Variants in PCDHGB7 observed in about 807,000 individuals in gnomAD.
PCDHGB7 encodes the protein protocadherin gamma-B7.
In PCDHGB7, 37 loss-of-function variants were observed where a neutral mutation model predicts 61.4. The ratio of observed to expected loss-of-function variants is 0.60; its 90% CI spans 0.46 to 0.79. The LOEUF is 0.79. PCDHGB7 is among the 30% of genes least tolerant of loss of function. The pLI, the probability that PCDHGB7 is intolerant of heterozygous loss-of-function variation, is 0.00. For missense variants in PCDHGB7, 1,166 were observed against 1,202.5 expected (o/e 0.97, Z 0.45); for synonymous variants, 464 against 503.5 (o/e 0.92, Z 1.05).
chr5:141,428,111 C>G (rs760446304), intron 1 of PCDHGB7: 2 of 1,607,622 alleles, frequency 1.2e-6, no homozygotes, highest in Non-Finnish European at 1.7e-6. Context: ...TGCTGCAGGC[C>G]ATCGAGCCCG....
chr5:141,503,418 A>G (rs1037754214), intron 2 of PCDHGB7, among the ~76,000 whole-genome samples: 1 of 151,528 alleles, frequency 6.6e-6, no homozygotes, highest in Admixed American at 6.6e-5. Context: ...AATATGGTGA[A>G]ACCCCATCTC....
chr5:141,459,886 G>A (rs932435611), intron 1 of PCDHGB7, among the ~76,000 whole-genome samples: 2 of 152,080 alleles, frequency 1.3e-5, no homozygotes, highest in Non-Finnish European at 2.9e-5. Context: ...TGAGCTGAAC[G>A]CCTTCTTAAA....
chr5:141,442,870 T>A (rs942975420), intron 1 of PCDHGB7, among the ~76,000 whole-genome samples: 1 of 152,192 alleles, frequency 6.6e-6, no homozygotes, highest in African/African-American at 2.4e-5. Flanking sequence ...AGATGTAAAT[T>A]TACAACTCAG....
At chr5:141,452,528 A>T (rs1592223895) in intron 1 of PCDHGB7, among the ~76,000 whole-genome samples, 1 of 152,206 alleles carries the variant, frequency 6.6e-6, no homozygotes, top group African/African-American at 2.4e-5. Flanking sequence ...CAAAATCGTG[A>T]GTTCATATTG....
rs776258973 is a variant in PCDHGB7, at chr5:141,489,877, A to G, written c.2416-4930A>G. 1.2e-6 allele frequency: 2 copies of G among 1,614,230 alleles called. No individual in the cohort carries two copies. The highest frequency in any genetic ancestry group is 2.2e-5 in the South Asian group (2 of 91,090). Reference sequence around the variant, plus strand: ...CCAGGCAAGACATCAGCTGGTGCTTACTGCTGTGGATGGGGGGACCCCAGC... The same window carrying G: ...CCAGGCAAGACATCAGCTGGTGCTTGCTGCTGTGGATGGGGGGACCCCAGC... On this transcript the variant is annotated intron_variant, in intron 1 of 3. Coordinates refer to ENST00000398594, the MANE Select transcript of PCDHGB7 (RefSeq NM_018927.4). This position sits in a 1 kb window ranked among gnomAD's most constrained non-coding sequence, Gnocchi z 4.5.
At chr5:141,496,886 C>T (rs1562175671) in intron 2 of PCDHGB7, among the ~76,000 whole-genome samples, 1 of 135,246 alleles carries the variant, frequency 7.4e-6, no homozygotes, top group African/African-American at 2.9e-5. Context: ...ACAAGTAACA[C>T]TTAAAAAAAA....
At position 141,491,752 on chromosome 5, in the gene PCDHGB7, G is replaced by C. The variant is rs1464731659; in HGVS notation, c.2416-3055G>C. 6 of 1,586,646 alleles carry C rather than the reference G, an allele frequency of 3.8e-6. No homozygotes were observed. The African/African-American group carries it at 8.1e-5, about 21-fold the overall frequency. On this transcript the variant is annotated intron_variant, in intron 1 of 3. Transcript: ENST00000398594. The surrounding 1 kb of genome is among the most constrained non-coding windows in gnomAD (Gnocchi z 6.9). ...GACCCCTGGGGGCGGCACTGGAGAA[G>C]CCGCCCGTCCTCATAAGGGATTGAA...
chr5:141,460,224 T>C (rs986301555), intron 1 of PCDHGB7, among the ~76,000 whole-genome samples: 1 of 152,168 alleles, frequency 6.6e-6, no homozygotes, highest in African/African-American at 2.4e-5. Context: ...GTTGTGTCTT[T>C]TGAAGAGCAG....
intron 1 of PCDHGB7, among the ~76,000 whole-genome samples, chr5:141,461,267 T>C (rs2099012147): frequency 6.6e-6 from 1 of 152,140 alleles, no homozygotes; most frequent in Admixed American, 6.6e-5. Flanking sequence ...AATGTGTAAG[T>C]GTTCTCTTTT....
chr5:141,481,934 AAT>A (rs1245984926), intron 1 of PCDHGB7, among the ~76,000 whole-genome samples: 5 of 147,494 alleles, frequency 3.4e-5, no homozygotes, highest in Admixed American at 3.4e-4. Flanking sequence ...AAAAAAAAAA[AAT>A]CAGCCAGATG....
chr5:141,486,654 T>C lies in PCDHGB7; in HGVS notation c.2416-8153T>C. ...TTGAATGCGCTTATCTCCTACTCAC[T>C]CCTGGAGCCCAGGAATCGAGATGTA... is the stretch of plus-strand genomic sequence containing the variant. On this transcript the variant is annotated intron_variant, in intron 1 of 3. Coordinates refer to ENST00000398594, the MANE Select transcript of PCDHGB7 (RefSeq NM_018927.4). The surrounding 1 kb of genome is among the most constrained non-coding windows in gnomAD (Gnocchi z 5.0). The C allele has an allele frequency of 2.5e-6, 4 of 1,613,922 alleles. No individual in the cohort carries two copies. Among genetic ancestry groups the C allele is most frequent in the Non-Finnish European group, 3.4e-6 (4 of 1,180,026 alleles).
At chr5:141,461,689 A>G (rs2099020485) in intron 1 of PCDHGB7, among the ~76,000 whole-genome samples, 1 of 152,120 alleles carries the variant, frequency 6.6e-6, no homozygotes, top group Admixed American at 6.6e-5. Context: ...GTTTATTTTG[A>G]GACAGAGTTT....
Position 141,422,340 on chromosome 5 carries a change from T to C in PCDHGB7, c.2415+2066T>C, listed in dbSNP as rs776306472. ...CAGGTACAGTGATTGCTCTTCTAAA[T>C]GTGCAAGATCAAGATTCTGGAGAAA... On this transcript the variant is annotated intron_variant, in intron 1 of 3. Transcript: ENST00000398594. 2.6e-6 allele frequency: 4 copies of C among 1,550,190 alleles called. 1 individual carries two copies. Among genetic ancestry groups the C allele is most frequent in the Non-Finnish European group, 3.5e-6 (4 of 1,154,238 alleles).
At chr5:141,422,344 C>A in intron 1 of PCDHGB7, 1 of 1,550,890 alleles carries the variant, frequency 6.4e-7, no homozygotes, top group Non-Finnish European at 8.7e-7. Flanking sequence ...TCTAAATGTG[C>A]AAGATCAAGA....
intron 1 of PCDHGB7, among the ~76,000 whole-genome samples, chr5:141,468,952 G>GT (rs34870721): frequency 0.24 from 35,946 of 151,248 alleles, 4,442 homozygotes; most frequent in Admixed American, 0.32. Flanking sequence ...TAAACCTGTG[G>GT]TTTTTTTTAC....
chr5:141,440,481 T>C (rs1451820594), intron 1 of PCDHGB7: 1 of 152,196 alleles, frequency 6.6e-6, no homozygotes, highest in African/African-American at 2.4e-5. Context: ...GAAAATTCTT[T>C]AAATGTTTTT....
intron 1 of PCDHGB7, among the ~76,000 whole-genome samples, chr5:141,445,582 T>C (rs886701142): frequency 6.6e-6 from 1 of 152,214 alleles, no homozygotes; most frequent in Non-Finnish European, 1.5e-5. Context: ...TAGGGAAGCT[T>C]CGCCTAATCT....
chr5:141,437,715 C>T (rs2097903335), intron 1 of PCDHGB7, among the ~76,000 whole-genome samples: 1 of 151,772 alleles, frequency 6.6e-6, no homozygotes, highest in Non-Finnish European at 1.5e-5. Context: ...ACACAGTTAC[C>T]CTCTAATGTT....
intron 1 of PCDHGB7, among the ~76,000 whole-genome samples, chr5:141,458,449 A>G (rs1483902182): frequency 6.6e-6 from 1 of 152,086 alleles, no homozygotes; most frequent in Non-Finnish European, 1.5e-5. Context: ...CCACATTAAC[A>G]ATTTTTAAAA....
Sources: gnomAD v4.1 joint callset for allele counts (sites outside exome capture counted in the v4.1 genomes callset) on GRCh38, gnomAD v4.1.1 for gene constraint, Gnocchi (gnomAD v3.1) non-coding constraint, MANE v1.5 for transcripts, NCBI Gene and HGNC (gene_info 2026-07-23, HGNC 2026-07-21) for gene names.